Variants in NTM observed in about 807,000 individuals in gnomAD.
The protein encoded by NTM is IgLON family member 2.
NTM carries 13 observed loss-of-function variants against 42.1 expected under a neutral mutation model. The observed-to-expected ratio is 0.31, with a 90% CI of 0.20 to 0.49. The LOEUF (loss-of-function observed/expected upper bound fraction) is 0.49, where lower values mean the gene tolerates loss of function less well. Among genes scored for constraint, NTM ranks in the 20% least tolerant of loss-of-function variants. NTM has a pLI of 0.99. For missense variants in NTM, 373 were observed against 452.8 expected, an observed-to-expected ratio of 0.82 and a Z score of 1.60; for synonymous variants, 187 against 179.2, an observed-to-expected ratio of 1.04 and a Z score of -0.35.
At chr11:131,442,692 G>A (rs1949716710) in intron 1 of NTM, among the ~76,000 whole-genome samples, 1 of 152,062 alleles carries the variant, frequency 6.6e-6, no homozygotes, top group Non-Finnish European at 1.5e-5. Flanking sequence ...CTGTTTCCGA[G>A]TTATTTCACT....
chr11:131,521,383 CTTTTTTTTTTTTTTTTTTT>C (rs773233050), intron 1 of NTM, among the ~76,000 whole-genome samples: 16 of 45,756 alleles, frequency 3.5e-4, no homozygotes, highest in Admixed American at 2.3e-3. Flanking sequence ...AGGTGCCAGT[CTTTTTTTTTTTTTTTTTTT>C]TTTTTTTTTT....
chr11:131,893,838 G>C (rs369692506), intron 1 of NTM, among the ~76,000 whole-genome samples: 1 of 152,258 alleles, frequency 6.6e-6, no homozygotes, highest in Non-Finnish European at 1.5e-5. Context: ...TGAGTGAAAG[G>C]TGGCCACCTT....
chr11:131,936,742 A>T (rs553208448), intron 2 of NTM, among the ~76,000 whole-genome samples: 3 of 152,286 alleles, frequency 2.0e-5, no homozygotes, highest in African/African-American at 7.2e-5. Context: ...CTGGGGAAAA[A>T]ATTCTCACTA....
At chr11:132,033,757 G>A (rs1025958878) in intron 2 of NTM, among the ~76,000 whole-genome samples, 1 of 152,162 alleles carries the variant, frequency 6.6e-6, no homozygotes, top group East Asian at 1.9e-4. Context: ...CTGGGATCTC[G>A]CTTGGTTCTT....
chr11:132,317,557 G>T, intron 7 of NTM: 1 of 557,498 alleles, frequency 1.8e-6, no homozygotes, highest in Non-Finnish European at 2.9e-6. Flanking sequence ...GTCTGTGAAA[G>T]GCAGTATACA....
chr11:131,818,683 A>G (rs2093051208), intron 1 of NTM, among the ~76,000 whole-genome samples: 1 of 152,108 alleles, frequency 6.6e-6, no homozygotes, highest in South Asian at 2.1e-4. Flanking sequence ...ATTGCACGTC[A>G]TTTGTGTCAG....
intron 1 of NTM, among the ~76,000 whole-genome samples, chr11:131,578,174 A>G (rs1285833618): frequency 1.3e-5 from 2 of 152,230 alleles, no homozygotes; most frequent in African/African-American, 2.4e-5. Context: ...AAGCAAATTT[A>G]TCAGGTGATC....
At chr11:131,519,413 A>G (rs2049318478) in intron 1 of NTM, among the ~76,000 whole-genome samples, 1 of 150,382 alleles carries the variant, frequency 6.6e-6, no homozygotes, top group Non-Finnish European at 1.5e-5. Context: ...AGACCAGCCC[A>G]ACTCTTCTTT....
At chr11:132,128,013 C>G (rs546462483) in intron 2 of NTM, among the ~76,000 whole-genome samples, 1 of 152,290 alleles carries the variant, frequency 6.6e-6, no homozygotes, top group East Asian at 1.9e-4. Context: ...AAAGGATATT[C>G]TCATATTTGG....
chr11:131,901,155 G>A (rs887641409), intron 1 of NTM, among the ~76,000 whole-genome samples: 1 of 152,158 alleles, frequency 6.6e-6, no homozygotes, highest in Non-Finnish European at 1.5e-5. Flanking sequence ...AAATATAAGA[G>A]GTAGGTATTA....
intron 1 of NTM, among the ~76,000 whole-genome samples, chr11:131,645,657 T>G (rs1239275616): frequency 6.6e-6 from 1 of 152,268 alleles, no homozygotes; most frequent in Non-Finnish European, 1.5e-5. Context: ...ATGTCCATTT[T>G]TTTTTACTTA....
intron 1 of NTM, among the ~76,000 whole-genome samples, chr11:131,649,720 C>T (rs765459856): frequency 2.6e-5 from 4 of 152,158 alleles, no homozygotes; most frequent in Non-Finnish European, 5.9e-5. Context: ...TCAGCCAATA[C>T]ACATGGTGAC....
intron 1 of NTM, among the ~76,000 whole-genome samples, chr11:131,725,752 C>A (rs2135435602): frequency 6.6e-6 from 1 of 152,292 alleles, no homozygotes; most frequent in East Asian, 1.9e-4. Context: ...TGGGAACACA[C>A]TGGATGGTGT....
intron 1 of NTM, among the ~76,000 whole-genome samples, chr11:131,465,437 T>C (rs1464277029): frequency 6.6e-6 from 1 of 152,006 alleles, no homozygotes; most frequent in African/African-American, 2.4e-5. Context: ...ACTAGACTGG[T>C]GAAGGCAGGA....
At chr11:131,596,111 C>A (rs1311990689) in intron 1 of NTM, among the ~76,000 whole-genome samples, 2 of 152,172 alleles carry the variant, frequency 1.3e-5, no homozygotes, top group Non-Finnish European at 2.9e-5. Flanking sequence ...TGTGGCTGAA[C>A]CTACCTCACG....
intron 2 of NTM, among the ~76,000 whole-genome samples, chr11:131,949,961 A>G (rs374279258): frequency 2.0e-5 from 3 of 152,076 alleles, no homozygotes; most frequent in East Asian, 3.9e-4. Context: ...TTATTCTGTT[A>G]TTGTTTTCCT....
At chr11:131,382,217 C>T (rs2513542) in intron 1 of NTM, among the ~76,000 whole-genome samples, 138,728 of 152,146 alleles carry the variant, frequency 0.91, 63,305 homozygotes, top group African/African-American at 0.93. Context: ...CTGTGCTTTT[C>T]GGACTTTATT....
chr11:131,463,018 ATCT>A (rs34907448), intron 1 of NTM, among the ~76,000 whole-genome samples: 11,171 of 151,902 alleles, frequency 0.074, 985 homozygotes, highest in East Asian at 0.21. Context: ...ACCTCTCCAC[ATCT>A]TCTTTGCATG....
intron 2 of NTM, among the ~76,000 whole-genome samples, chr11:131,989,103 C>T (rs1294076995): frequency 6.6e-6 from 1 of 152,094 alleles, no homozygotes; most frequent in Non-Finnish European, 1.5e-5. Flanking sequence ...CACTGAGATA[C>T]ATCGTTAAAT....
Sources: allele counts gnomAD v4.1 joint callset (sites outside exome capture counted in the v4.1 genomes callset), GRCh38; gene constraint gnomAD v4.1.1; transcripts MANE v1.5; gene names NCBI Gene and HGNC (gene_info 2026-07-23, HGNC 2026-07-21).